Variants in HDAC9 observed in about 807,000 individuals in gnomAD.
HDAC9 encodes histone deacetylase 9, also known as MEF-2 interacting transcription repressor (MITR) protein.
Under a neutral mutation model 139.4 loss-of-function variants are expected in HDAC9, and 41 were observed. The observed-to-expected ratio is 0.29, with a 90% CI of 0.23 to 0.38. HDAC9 has a LOEUF of 0.38. Ranked by LOEUF, HDAC9 falls within the 10% of genes least tolerant of loss-of-function variation. The pLI is 1.00. For missense variants in HDAC9, 1,147 were observed against 1,297.0 expected (o/e 0.88, Z 1.78); for synonymous variants, 517 against 476.2 (o/e 1.09, Z -1.12).
intron 1 of HDAC9, among the ~76,000 whole-genome samples, chr7:18,487,477 G>A (rs754853523): frequency 3.9e-5 from 6 of 152,044 alleles, no homozygotes; most frequent in Non-Finnish European, 2.9e-5. Context: ...GCCTTAGAGT[G>A]TGTTTGCCTC....
intron 2 of HDAC9, among the ~76,000 whole-genome samples, chr7:18,514,776 CA>C (rs1385946752): frequency 6.6e-6 from 1 of 151,908 alleles, no homozygotes; most frequent in Non-Finnish European, 1.5e-5. Flanking sequence ...CCTGTCTCTA[CA>C]AAAATAAAAA....
At chr7:18,770,191 C>G (rs773668768) in intron 16 of HDAC9, among the ~76,000 whole-genome samples, 1 of 152,110 alleles carries the variant, frequency 6.6e-6, no homozygotes. Context: ...CTCTCCAGAA[C>G]TGCATTTCGA....
chr7:18,672,825 C>G (rs1049080191), intron 12 of HDAC9, among the ~76,000 whole-genome samples: 1 of 151,950 alleles, frequency 6.6e-6, no homozygotes, highest in Non-Finnish European at 1.5e-5. Flanking sequence ...ACTTTATCTT[C>G]ATTTTCCTTA....
At chr7:18,604,553 C>T (rs537428005) in intron 6 of HDAC9, among the ~76,000 whole-genome samples, 31 of 151,952 alleles carry the variant, frequency 2.0e-4, no homozygotes, top group Middle Eastern at 3.4e-3. Context: ...ACCACCACCA[C>T]GCCCAGCTAA....
intron 2 of HDAC9, among the ~76,000 whole-genome samples, chr7:18,522,005 A>G (rs984974912): frequency 2.4e-4 from 36 of 152,202 alleles, no homozygotes; most frequent in African/African-American, 7.5e-4. Context: ...TTCTTGAGAA[A>G]TGGTGGTGAG....
At chr7:18,936,694 AAGACTATCAT>A (rs1781660149) in intron 23 of HDAC9, among the ~76,000 whole-genome samples, 1 of 152,216 alleles carries the variant, frequency 6.6e-6, no homozygotes, top group African/African-American at 2.4e-5. Context: ...CAGTAGTGTT[AAGACTATCAT>A]ATGCATTTTG....
chr7:18,885,746 T>C (rs1800097677), intron 22 of HDAC9, among the ~76,000 whole-genome samples: 1 of 152,148 alleles, frequency 6.6e-6, no homozygotes, highest in African/African-American at 2.4e-5. Context: ...GAAAAGAAAA[T>C]TTTTCCAACA....
intron 2 of HDAC9, among the ~76,000 whole-genome samples, chr7:18,212,404 C>T (rs1386377318): frequency 6.6e-6 from 1 of 152,140 alleles, no homozygotes; most frequent in Non-Finnish European, 1.5e-5. Flanking sequence ...GATGAGACAG[C>T]ATAATCTTGT....
intron 21 of HDAC9, among the ~76,000 whole-genome samples, chr7:18,846,479 A>G (rs1796912787): frequency 6.6e-6 from 1 of 152,250 alleles, no homozygotes; most frequent in Non-Finnish European, 1.5e-5. Flanking sequence ...GACAAAATGT[A>G]AGCCCATTAT....
chr7:18,898,458 A>G (rs13438248), intron 22 of HDAC9, among the ~76,000 whole-genome samples: 28,933 of 151,810 alleles, frequency 0.19, 3,115 homozygotes, highest in African/African-American at 0.3. Context: ...GCCTCATGTT[A>G]ATAGTGTTTG....
At chr7:18,501,507 C>T (rs1028241758) in intron 2 of HDAC9, among the ~76,000 whole-genome samples, 2 of 151,988 alleles carry the variant, frequency 1.3e-5, no homozygotes, top group African/African-American at 4.8e-5. Context: ...ATTTATAGTT[C>T]CTTCAACTGC....
intron 1 of HDAC9, among the ~76,000 whole-genome samples, chr7:18,156,205 G>GA (rs905928952): frequency 1.3e-5 from 2 of 152,082 alleles, no homozygotes; most frequent in Non-Finnish European, 2.9e-5. Flanking sequence ...TGTCCTTGGG[G>GA]AAAAAAAGCT....
At chr7:18,364,782 G>C (rs1044433470) in intron 1 of HDAC9, among the ~76,000 whole-genome samples, 2 of 152,110 alleles carry the variant, frequency 1.3e-5, no homozygotes, top group African/African-American at 4.8e-5. Context: ...CTTTAGTGGA[G>C]AAAACAGGGA....
intron 17 of HDAC9, among the ~76,000 whole-genome samples, chr7:18,798,727 G>A (rs114759766): frequency 7.9e-4 from 120 of 152,162 alleles, no homozygotes; most frequent in African/African-American, 2.8e-3. Context: ...AATTAGTGGC[G>A]ATCACTCAAC....
chr7:18,852,685 T>C (rs771106505), intron 21 of HDAC9, among the ~76,000 whole-genome samples: 17 of 152,044 alleles, frequency 1.1e-4, no homozygotes, highest in Non-Finnish European at 1.6e-4. Context: ...TTAAGTAAAA[T>C]TAATGGCTAT....
At chr7:18,329,415 T>C (rs1800730631) in intron 1 of HDAC9, among the ~76,000 whole-genome samples, 1 of 151,828 alleles carries the variant, frequency 6.6e-6, no homozygotes. Context: ...TAACATATTG[T>C]ACTCCATAAA....
At chr7:18,792,772 G>A (rs761530634) in intron 16 of HDAC9, among the ~76,000 whole-genome samples, 3 of 152,170 alleles carry the variant, frequency 2.0e-5, no homozygotes, top group South Asian at 2.1e-4. Flanking sequence ...TGTTTTAAGT[G>A]TGAGGACCAC....
chr7:18,276,978 C>A (rs1796765082), intron 2 of HDAC9, among the ~76,000 whole-genome samples: 1 of 151,934 alleles, frequency 6.6e-6, no homozygotes, highest in Non-Finnish European at 1.5e-5. Flanking sequence ...TTTATATGAG[C>A]AAATTGCCTC....
chr7:18,568,377 A>G (rs1204624109), intron 2 of HDAC9, among the ~76,000 whole-genome samples: 1 of 152,220 alleles, frequency 6.6e-6, no homozygotes, highest in African/African-American at 2.4e-5. Flanking sequence ...TAACCTGTCT[A>G]GTGCTCATTA....
Sources: allele counts gnomAD v4.1 joint callset (sites outside exome capture counted in the v4.1 genomes callset), GRCh38; gene constraint gnomAD v4.1.1; transcripts MANE v1.5; gene names NCBI Gene and HGNC (gene_info 2026-07-23, HGNC 2026-07-21).